The following SRRM4 variants were observed in gnomAD, a reference collection of about 807,000 sequenced individuals.
SRRM4 encodes the protein serine/arginine repetitive matrix 4.
In SRRM4, 33 loss-of-function variants were observed where a neutral mutation model predicts 68.9. The observed-to-expected ratio is 0.48, with a 90% CI of 0.36 to 0.64. The LOEUF (loss-of-function observed/expected upper bound fraction) is 0.64. Ranked by LOEUF, SRRM4 falls within the 30% of genes least tolerant of loss-of-function variation. SRRM4 has a pLI of 0.00. For synonymous variants in SRRM4, 318 were observed against 318.8 expected, an observed-to-expected ratio of 1.00 and a Z score of 0.03; for missense variants, 817 against 827.1, an observed-to-expected ratio of 0.99 and a Z score of 0.15.
At chr12:119,062,660 A>G (rs1953821768) in intron 1 of SRRM4, among the ~76,000 whole-genome samples, 1 of 150,260 alleles carries the variant, frequency 6.7e-6, no homozygotes, top group African/African-American at 2.4e-5. Flanking sequence ...AAACTAAGAC[A>G]CAAACACACA....
intron 1 of SRRM4, among the ~76,000 whole-genome samples, chr12:119,050,255 T>C (rs1421694555): frequency 6.6e-6 from 1 of 152,194 alleles, no homozygotes; most frequent in Non-Finnish European, 1.5e-5. Context: ...CATAACATGG[T>C]TTTCAACACC....
intron 1 of SRRM4, among the ~76,000 whole-genome samples, chr12:119,048,395 G>A (rs999735768): frequency 2.6e-5 from 4 of 152,190 alleles, no homozygotes; most frequent in African/African-American, 9.7e-5. Context: ...CCCATGTGAT[G>A]GAGGTGAAGG....
intron 1 of SRRM4, among the ~76,000 whole-genome samples, chr12:118,990,480 T>C (rs1446893035): frequency 1.3e-5 from 2 of 152,236 alleles, no homozygotes; most frequent in East Asian, 3.9e-4. Flanking sequence ...TCACACGGTG[T>C]GTAAGTGATG....
intron 10 of SRRM4, 85 bp downstream of exon 10, chr12:119,151,305 A>T (rs976363595): frequency 8.6e-6 from 11 of 1,276,354 alleles, no homozygotes; most frequent in Non-Finnish European, 1.3e-5. Flanking sequence ...CCCATGGGGG[A>T]GAGAAGTCAG....
At chr12:119,110,224 C>T (rs1262238937) in intron 2 of SRRM4, among the ~76,000 whole-genome samples, 2 of 152,174 alleles carry the variant, frequency 1.3e-5, no homozygotes, top group Non-Finnish European at 2.9e-5. Flanking sequence ...TATGAGGTGT[C>T]AGTCAGCCCT....
At chr12:119,041,147 C>T (rs1953666326) in intron 1 of SRRM4, among the ~76,000 whole-genome samples, 2 of 152,092 alleles carry the variant, frequency 1.3e-5, no homozygotes, top group South Asian at 4.2e-4. Flanking sequence ...GTGAAAGGTA[C>T]TCGTATTACC....
intron 2 of SRRM4, among the ~76,000 whole-genome samples, chr12:119,103,705 T>A (rs1954090314): frequency 6.6e-6 from 1 of 152,224 alleles, no homozygotes; most frequent in Non-Finnish European, 1.5e-5. Flanking sequence ...GGAATTTCCC[T>A]ACTTTTAAAA....
rs530085573 is a variant in SRRM4 at position 119,085,181 on chromosome 12, C to T, written c.132-17055C>T. On this transcript the variant is annotated intron_variant, in intron 1 of 12. Coordinates refer to ENST00000267260, the MANE Select transcript of SRRM4 (RefSeq NM_194286.4). ...CCTCCCAAAGTGCTGGGATTACAGG[C>T]GTGAGCCACTGAGGCTGGCCAATGC... Among the ~76,000 whole-genome samples, 8 of 152,322 alleles carry T rather than the reference C, an allele frequency of 5.3e-5. No individual in the cohort carries two copies. The East Asian group carries it at 5.8e-4, about 11-fold the overall frequency.
intron 1 of SRRM4, among the ~76,000 whole-genome samples, chr12:119,081,524 C>G (rs181363535): frequency 2.6e-5 from 4 of 152,246 alleles, no homozygotes; most frequent in South Asian, 2.1e-4. Flanking sequence ...GAAGTGAGGT[C>G]AGAGTGGTAA....
intron 8 of SRRM4, chr12:119,132,427 C>T (rs1415124223): frequency 6.6e-6 from 1 of 152,158 alleles, no homozygotes; most frequent in Non-Finnish European, 1.5e-5. Flanking sequence ...TAAAGGATGC[C>T]TAATTGCTCT....
In SRRM4 at chr12:119,041,843, T is replaced by C. The variant is rs151026368; in HGVS notation, c.131+59830T>C. ...GTCAGAGGGTGATGAGCATTCTCAG[T>C]GAAAGCGGGAGAATGCCTACTGTCT... On this transcript the variant is annotated intron_variant, in intron 1 of 12. Coordinates refer to ENST00000267260, the MANE Select transcript of SRRM4 (RefSeq NM_194286.4). Among the ~76,000 whole-genome samples, 550 of 152,206 alleles carry C rather than the reference T, an allele frequency of 3.6e-3. 2 individuals are homozygous for C. The highest frequency in any genetic ancestry group is 0.013 in the African/African-American group (523 of 41,540).
At chr12:119,148,874 T>A (rs567449907) in intron 9 of SRRM4, among the ~76,000 whole-genome samples, 146 of 152,214 alleles carry the variant, frequency 9.6e-4, no homozygotes, top group African/African-American at 3.3e-3. Flanking sequence ...GCTCAATAAA[T>A]ATGGGCTGAG....
intron 1 of SRRM4, among the ~76,000 whole-genome samples, chr12:119,089,399 A>G (rs1396889407): frequency 6.6e-6 from 1 of 152,186 alleles, no homozygotes; most frequent in East Asian, 1.9e-4. Flanking sequence ...GACATTTCCT[A>G]TCAACTCCTT....
chr12:119,106,619 T>C (rs997611693), intron 2 of SRRM4, among the ~76,000 whole-genome samples: 16 of 152,332 alleles, frequency 1.1e-4, no homozygotes, highest in South Asian at 4.1e-4. Context: ...TTGTCTGTTA[T>C]TGGTGTATAG....
In SRRM4 at chr12:118,981,748, C is replaced by G. The variant is rs1357113831; in HGVS notation, c.-135C>G. 15 of 874,150 alleles carry G rather than the reference C, an allele frequency of 1.7e-5. No individual in the cohort carries two copies. The highest frequency in any genetic ancestry group is 3.3e-6 in the Non-Finnish European group (2 of 602,338). 54.1% of individuals were successfully genotyped at this position (874,150 alleles called of 1,614,324 possible). On this transcript the variant is annotated 5_prime_UTR_variant, in exon 1 of 13. Transcript: ENST00000267260. The stretch of plus-strand genomic sequence containing the variant: ...GGGGCGTCCCATCCCCCGCCCTGAA[C>G]TCCGATCTCTCCCACCCCACCCCTC...
chr12:119,039,187 C>A (rs1006743774), intron 1 of SRRM4, among the ~76,000 whole-genome samples: 2 of 152,218 alleles, frequency 1.3e-5, no homozygotes, highest in Non-Finnish European at 2.9e-5. Flanking sequence ...ATAGGGCTTA[C>A]CCCTGCTTTC....
intron 1 of SRRM4, among the ~76,000 whole-genome samples, chr12:119,013,168 A>G (rs1378287636): frequency 6.6e-6 from 1 of 152,198 alleles, no homozygotes; most frequent in Non-Finnish European, 1.5e-5. Flanking sequence ...AAAATTTTGG[A>G]GTCAATCAGG....
At chr12:119,113,268 G>T (rs925861238) in intron 2 of SRRM4, among the ~76,000 whole-genome samples, 1 of 152,172 alleles carries the variant, frequency 6.6e-6, no homozygotes, top group Admixed American at 6.5e-5. Flanking sequence ...TCTATAAAAA[G>T]TTGGGTAATT....
chr12:119,101,344 A>G (rs1277599830), intron 1 of SRRM4, among the ~76,000 whole-genome samples: 3 of 152,132 alleles, frequency 2.0e-5, no homozygotes, highest in Non-Finnish European at 4.4e-5. Context: ...AGGAACTCCC[A>G]TAAAGACGTG....
Sources: gnomAD v4.1 joint callset for allele counts (sites outside exome capture counted in the v4.1 genomes callset) on GRCh38, gnomAD v4.1.1 for gene constraint, MANE v1.5 for transcripts, NCBI Gene and HGNC (gene_info 2026-07-23, HGNC 2026-07-21) for gene names.